MEGF10: variants seen among roughly 807,000 people sequenced by gnomAD.
The protein encoded by MEGF10 is multiple EGF like domains 10.
MEGF10 carries 86 observed loss-of-function variants against 147.5 expected under a neutral mutation model. The observed-to-expected ratio is 0.58, with a 90% CI of 0.49 to 0.70. The LOEUF (loss-of-function observed/expected upper bound fraction) is 0.70, where lower values mean the gene tolerates loss of function less well. Ranked by LOEUF, MEGF10 falls within the 30% of genes least tolerant of loss-of-function variation. The probability of loss-of-function intolerance (pLI) is 0.00; values close to 1 mark genes in which losing one functional copy is unlikely to be tolerated. For missense variants in MEGF10, 1,329 were observed against 1,487.3 expected, an observed-to-expected ratio of 0.89 and a Z score of 1.75; for synonymous variants, 478 against 525.5, an observed-to-expected ratio of 0.91 and a Z score of 1.24.
At chr5:127,342,252 G>C (rs1761710428) in intron 4 of MEGF10, among the ~76,000 whole-genome samples, 1 of 152,098 alleles carries the variant, frequency 6.6e-6, no homozygotes, top group Admixed American at 6.5e-5. Context: ...GGGGAGGCCT[G>C]GCCACTCAGG....
intron 6 of MEGF10, among the ~76,000 whole-genome samples, chr5:127,397,919 C>T (rs191696855): frequency 6.6e-6 from 1 of 152,098 alleles, no homozygotes; most frequent in East Asian, 1.9e-4. Context: ...TTTGCAGGGA[C>T]ATGGATGAAA....
intron 4 of MEGF10, among the ~76,000 whole-genome samples, chr5:127,356,589 C>T (rs928211834): frequency 6.6e-6 from 1 of 152,026 alleles, no homozygotes; most frequent in African/African-American, 2.4e-5. Flanking sequence ...TAGATTTAAG[C>T]TAAAAAACAA....
intron 4 of MEGF10, among the ~76,000 whole-genome samples, chr5:127,347,947 T>C (rs1005261721): frequency 1.3e-5 from 2 of 152,044 alleles, no homozygotes; most frequent in African/African-American, 4.8e-5. Flanking sequence ...TATATTAAAG[T>C]GTTTTGAAAA....
At chr5:127,268,770 G>A in the MEGF10 span, among the ~76,000 whole-genome samples, 6 of 152,238 alleles carry the variant, frequency 3.9e-5, no homozygotes, top group African/African-American at 1.4e-4. Context: ...TTTGAGATCT[G>A]AGAACGGACA....
intron 15 of MEGF10, 54 bp from the exon 16 acceptor site, chr5:127,435,307 G>C (rs1765516598): frequency 1.4e-5 from 22 of 1,603,768 alleles, no homozygotes; most frequent in Non-Finnish European, 1.9e-5. Flanking sequence ...AAGATTCTAG[G>C]GTTCTGCGAG....
chr5:127,322,574 C>T (rs11955086), intron 1 of MEGF10, among the ~76,000 whole-genome samples: 3,774 of 152,256 alleles, frequency 0.025, 157 homozygotes, highest in African/African-American at 0.086. Flanking sequence ...TTACCATCTA[C>T]GTGGTACTAC....
At chr5:127,390,830 G>A (rs1033454978) in intron 5 of MEGF10, among the ~76,000 whole-genome samples, 36 of 151,910 alleles carry the variant, frequency 2.4e-4, no homozygotes, top group African/African-American at 8.5e-4. Context: ...TTTAGAACAC[G>A]GACTCTGGAG....
At chr5:127,262,267 C>A in the MEGF10 span, among the ~76,000 whole-genome samples, 1 of 151,236 alleles carries the variant, frequency 6.6e-6, no homozygotes, top group Admixed American at 6.6e-5. Flanking sequence ...ATCTTAGATC[C>A]ATTTTGAGTT....
At chr5:127,348,462 A>G (rs1257884524) in intron 4 of MEGF10, among the ~76,000 whole-genome samples, 1 of 152,154 alleles carries the variant, frequency 6.6e-6, no homozygotes, top group African/African-American at 2.4e-5. Context: ...TACAAAGGCA[A>G]TGAATTTTTC....
intron 5 of MEGF10, among the ~76,000 whole-genome samples, chr5:127,393,078 A>T (rs1236720177): frequency 6.6e-6 from 1 of 152,184 alleles, no homozygotes; most frequent in African/African-American, 2.4e-5. Flanking sequence ...CTTCTTTTTT[A>T]AAAATTAGGA....
At chr5:127,328,675 C>T (rs1214677962) in intron 1 of MEGF10, among the ~76,000 whole-genome samples, 2 of 152,156 alleles carry the variant, frequency 1.3e-5, no homozygotes, top group African/African-American at 4.8e-5. Flanking sequence ...CTAAACATTT[C>T]TAATTGGTAA....
At chr5:127,355,946 A>C (rs1762264876) in intron 4 of MEGF10, among the ~76,000 whole-genome samples, 1 of 152,194 alleles carries the variant, frequency 6.6e-6, no homozygotes, top group Admixed American at 6.5e-5. Context: ...CTAGAAAATT[A>C]GTTCCTGAAA....
rs555987559 is a variant in MEGF10 at position 127,351,412 on chromosome 5, C to A, written c.319+10782C>A. On this transcript the variant is annotated intron_variant, in intron 4 of 24. Coordinates refer to ENST00000503335, the MANE Select transcript of MEGF10 (RefSeq NM_001256545.2). ...ATTGTAGACATATTTTCTTGTCTAT[C>A]AATTACATCTAAATAATAATCTTAT... Among the ~76,000 whole-genome samples the A allele has an allele frequency of 5.3e-5, 8 of 152,126 alleles. No homozygotes were observed. In the East Asian group the frequency reaches 1.5e-3, roughly 29 times the overall value.
Position 127,457,769 on chromosome 5 carries a change from G to A in MEGF10, c.*451G>A, listed in dbSNP as rs188184559. On this transcript the variant is annotated 3_prime_UTR_variant, in exon 25 of 25. Coordinates refer to ENST00000503335, the MANE Select transcript of MEGF10 (RefSeq NM_001256545.2). ...AGTGGGAATCACTGAACATGTAGAA[G>A]ACAAGGAACATATTGTTAACTCCTG... is the stretch of plus-strand genomic sequence containing the variant. The A allele has an allele frequency of 5.1e-5, 8 of 158,222 alleles. No homozygotes were observed. Among genetic ancestry groups the A allele is most frequent in the Admixed American group, 4.2e-4 (7 of 16,576 alleles). The allele number at this position is 158,222 out of a possible 1,614,324, so 9.8% of individuals were successfully genotyped here. A position where few individuals can be genotyped will look rare whatever the true frequency, so the allele number is the denominator to read the frequency against.
intron 1 of MEGF10, among the ~76,000 whole-genome samples, chr5:127,320,057 C>G (rs246887): frequency 6.6e-6 from 1 of 151,952 alleles, no homozygotes; most frequent in South Asian, 2.1e-4. Context: ...ACACAAAAGT[C>G]GATGAATCTT....
chr5:127,412,220 T>A (rs966645075), intron 9 of MEGF10, among the ~76,000 whole-genome samples: 3 of 152,230 alleles, frequency 2.0e-5, no homozygotes, highest in South Asian at 2.1e-4. Context: ...CCGAATATTT[T>A]AAAAAATCAG....
intron 4 of MEGF10, among the ~76,000 whole-genome samples, chr5:127,363,941 G>A (rs964557510): frequency 6.6e-5 from 10 of 152,052 alleles, no homozygotes; most frequent in African/African-American, 2.2e-4. Flanking sequence ...TCAGGGATGG[G>A]ATGCAAGGAA....
At chr5:127,412,312 G>A (rs1196086320) in intron 9 of MEGF10, among the ~76,000 whole-genome samples, 1 of 152,026 alleles carries the variant, frequency 6.6e-6, no homozygotes, top group Admixed American at 6.6e-5. Context: ...GTTTAATGTT[G>A]ATTATATGAC....
intron 1 of MEGF10, among the ~76,000 whole-genome samples, chr5:127,320,407 G>A (rs1415586465): frequency 1.3e-5 from 2 of 152,178 alleles, no homozygotes; most frequent in African/African-American, 2.4e-5. Flanking sequence ...AACAATATGA[G>A]ATTGTTCTCC....
Sources: gnomAD v4.1 joint callset for allele counts (sites outside exome capture counted in the v4.1 genomes callset) on GRCh38, gnomAD v4.1.1 for gene constraint, MANE v1.5 for transcripts, NCBI Gene and HGNC (gene_info 2026-07-23, HGNC 2026-07-21) for gene names.